Variants in RORB observed in about 807,000 individuals in gnomAD.
The protein encoded by RORB is nuclear receptor ROR-beta.
In RORB, 6 loss-of-function variants were observed where a neutral mutation model predicts 59.1. That is an observed-to-expected ratio of 0.10 (90% CI 0.06 to 0.20). The LOEUF (loss-of-function observed/expected upper bound fraction) is 0.20, where lower values mean the gene tolerates loss of function less well. RORB is among the 10% of genes least tolerant of loss of function. RORB has a pLI of 1.00. For missense variants in RORB, 320 were observed against 560.5 expected (o/e 0.57, Z 4.33); for synonymous variants, 215 against 204.5 (o/e 1.05, Z -0.44).
intron 4 of RORB, among the ~76,000 whole-genome samples, chr9:74,645,760 C>A (rs1384333319): frequency 6.6e-6 from 1 of 151,998 alleles, no homozygotes; most frequent in Non-Finnish European, 1.5e-5. Flanking sequence ...ATGGAAAAAT[C>A]GAGGCTTAGA....
intron 4 of RORB, among the ~76,000 whole-genome samples, chr9:74,655,048 C>T (rs1355669003): frequency 6.6e-6 from 1 of 152,158 alleles, no homozygotes; most frequent in East Asian, 1.9e-4. Flanking sequence ...AAAGGAATGA[C>T]TGGACAGACT....
At chr9:74,635,358 T>C (rs1287804279) in intron 3 of RORB, among the ~76,000 whole-genome samples, 1 of 152,176 alleles carries the variant, frequency 6.6e-6, no homozygotes, top group South Asian at 2.1e-4. Flanking sequence ...TTCCTCAGAA[T>C]GTCATACCTT....
chr9:74,515,779 T>C (rs1359439302), intron 1 of RORB, among the ~76,000 whole-genome samples: 1 of 152,046 alleles, frequency 6.6e-6, no homozygotes, highest in Non-Finnish European at 1.5e-5. Context: ...CTGTAACCAG[T>C]AAAAGCTGGA....
At chr9:74,629,454 G>T (rs899220789) in intron 1 of RORB, among the ~76,000 whole-genome samples, 2 of 151,780 alleles carry the variant, frequency 1.3e-5, no homozygotes, top group Admixed American at 6.6e-5. Context: ...TTGTCTCAAT[G>T]ATCACAATCC....
intron 1 of RORB, among the ~76,000 whole-genome samples, chr9:74,602,407 T>C (rs1823080157): frequency 6.6e-6 from 1 of 152,202 alleles, no homozygotes. Flanking sequence ...TTTGGCACTG[T>C]GTTTGGTACT....
In RORB at chr9:74,667,904, A is replaced by G. The variant is rs780415482; in HGVS notation, c.1111+3A>G. 9 of 1,571,700 alleles carry G rather than the reference A, an allele frequency of 5.7e-6. No homozygotes were observed. Among genetic ancestry groups the G allele is most frequent in the Non-Finnish European group, 7.9e-6 (9 of 1,141,266 alleles). ...ATCTGCTGTTCTGATATCTCCAGGT[A>G]GGGCAGTCTCAGTTCTCTTACCTTT... is the stretch of plus-strand genomic sequence containing the variant. On this transcript the variant is annotated splice_donor_region_variant and intron_variant, in intron 8 of 9. Coordinates refer to ENST00000376896, the MANE Select transcript of RORB (RefSeq NM_006914.4).
intron 9 of RORB, among the ~76,000 whole-genome samples, chr9:74,683,080 G>A (rs903122601): frequency 1.3e-5 from 2 of 152,162 alleles, no homozygotes; most frequent in Non-Finnish European, 2.9e-5. Flanking sequence ...CCAGTAATCT[G>A]CATTTTTAAG....
At chr9:74,659,003 T>C (rs1824135580) in intron 4 of RORB, among the ~76,000 whole-genome samples, 1 of 152,218 alleles carries the variant, frequency 6.6e-6, no homozygotes, top group Non-Finnish European at 1.5e-5. Context: ...TTGAAATATC[T>C]TCTTTCTGCA....
At chr9:74,597,644 GA>G (rs1822988890) in intron 1 of RORB, among the ~76,000 whole-genome samples, 1 of 150,416 alleles carries the variant, frequency 6.6e-6, no homozygotes, top group East Asian at 2.0e-4. Context: ...ATAAAAAAAA[GA>G]AGGTAAAATA....
intron 1 of RORB, among the ~76,000 whole-genome samples, chr9:74,610,753 G>C (rs1228644932): frequency 6.6e-6 from 1 of 152,152 alleles, no homozygotes; most frequent in Non-Finnish European, 1.5e-5. Flanking sequence ...GAAAACCCAT[G>C]GTGTAAACCA....
intron 1 of RORB, among the ~76,000 whole-genome samples, chr9:74,585,340 T>TA (rs112679092): frequency 3.5e-4 from 53 of 152,184 alleles, no homozygotes; most frequent in African/African-American, 1.2e-3. Context: ...ACTGAAAGAG[T>TA]AAAAATATAT....
chr9:74,629,740 T>C (rs1479358310), intron 1 of RORB, among the ~76,000 whole-genome samples: 1 of 152,248 alleles, frequency 6.6e-6, no homozygotes, highest in African/African-American at 2.4e-5. Flanking sequence ...TTAGAGAACA[T>C]ATACAGCATG....
At chr9:74,631,778 C>G (rs1823623162) in intron 2 of RORB, among the ~76,000 whole-genome samples, 1 of 152,138 alleles carries the variant, frequency 6.6e-6, no homozygotes, top group Non-Finnish European at 1.5e-5. Flanking sequence ...CTCTGCAGAT[C>G]TATAATTAAG....
At chr9:74,544,719 G>T (rs957490912) in intron 1 of RORB, among the ~76,000 whole-genome samples, 1 of 152,152 alleles carries the variant, frequency 6.6e-6, no homozygotes, top group Non-Finnish European at 1.5e-5. Context: ...AAATGCACAG[G>T]TTCCTGTCTC....
At chr9:74,538,825 T>C (rs888471806) in intron 1 of RORB, among the ~76,000 whole-genome samples, 6 of 152,096 alleles carry the variant, frequency 3.9e-5, no homozygotes, top group African/African-American at 1.2e-4. Flanking sequence ...CAGATAAAAC[T>C]GGCAGCTTGG....
chr9:74,521,400 G>C (rs1298825200), intron 1 of RORB, among the ~76,000 whole-genome samples: 1 of 151,686 alleles, frequency 6.6e-6, no homozygotes, highest in African/African-American at 2.4e-5. Flanking sequence ...ATGACATTTA[G>C]CTGGATAAAT....
intron 1 of RORB, among the ~76,000 whole-genome samples, chr9:74,558,993 T>A (rs566594380): frequency 1.3e-5 from 2 of 152,208 alleles, no homozygotes; most frequent in East Asian, 3.9e-4. Context: ...GAAAAGAAAA[T>A]TCTAGGGAGA....
intron 1 of RORB, among the ~76,000 whole-genome samples, chr9:74,556,060 T>C (rs940960595): frequency 2.0e-5 from 3 of 152,218 alleles, no homozygotes; most frequent in African/African-American, 7.2e-5. Flanking sequence ...AAGTTTTCTA[T>C]TGCAAATTGT....
intron 1 of RORB, among the ~76,000 whole-genome samples, chr9:74,504,266 G>A (rs986471077): frequency 6.6e-6 from 1 of 151,784 alleles, no homozygotes; most frequent in South Asian, 2.1e-4. Flanking sequence ...CACTTAGAAG[G>A]TACAGTATTT....
Sources: allele counts gnomAD v4.1 joint callset (sites outside exome capture counted in the v4.1 genomes callset), GRCh38; gene constraint gnomAD v4.1.1; transcripts MANE v1.5; gene names NCBI Gene and HGNC (gene_info 2026-07-23, HGNC 2026-07-21).